MCTP1: variants seen among roughly 807,000 people sequenced by gnomAD.
MCTP1 encodes the protein multiple C2 and transmembrane domain containing 1.
MCTP1 carries 69 observed loss-of-function variants against 120.6 expected under a neutral mutation model. That is an observed-to-expected ratio of 0.57 (90% confidence interval 0.47 to 0.70). The LOEUF (loss-of-function observed/expected upper bound fraction) is 0.70. Ranked by LOEUF, MCTP1 falls within the 30% of genes least tolerant of loss-of-function variation. MCTP1 has a pLI of 0.00. For missense variants in MCTP1, 1,203 were observed against 1,248.8 expected (o/e 0.96, Z 0.55); for synonymous variants, 529 against 493.1 (o/e 1.07, Z -0.96).
At chr5:94,984,584 G>A (rs1178101944) in intron 2 of MCTP1, among the ~76,000 whole-genome samples, 1 of 152,120 alleles carries the variant, frequency 6.6e-6, no homozygotes, top group Non-Finnish European at 1.5e-5. Context: ...TGTAGGTGGT[G>A]AGTTGAAATC....
At chr5:94,720,976 C>T (rs1760752343) in intron 19 of MCTP1, among the ~76,000 whole-genome samples, 1 of 152,156 alleles carries the variant, frequency 6.6e-6, no homozygotes, top group South Asian at 2.1e-4. Context: ...GAAAAAGTGA[C>T]AGAACTTGGG....
At chr5:94,748,989 G>A (rs1767583788) in intron 19 of MCTP1, among the ~76,000 whole-genome samples, 1 of 152,124 alleles carries the variant, frequency 6.6e-6, no homozygotes, top group African/African-American at 2.4e-5. Context: ...GTTTTGTTTT[G>A]TTTTTTGATG....
chr5:95,033,343 G>A lies in MCTP1; in HGVS notation c.721-15859C>T, dbSNP rs148496840. On this transcript the variant is annotated intron_variant, in intron 1 of 22. Transcript: ENST00000515393. Reference sequence around the variant, plus strand: ...AAAACTGTCAACAAAATACTAGCAAGCCAAATCCAGCAGCACCACAAAAGG... The same window carrying A: ...AAAACTGTCAACAAAATACTAGCAAACCAAATCCAGCAGCACCACAAAAGG... Among the ~76,000 whole-genome samples, 1,408 of 151,968 alleles carry A rather than the reference G, an allele frequency of 9.3e-3. 28 individuals are homozygous for A. Among genetic ancestry groups the A allele is most frequent in the African/African-American group, 0.032 (1,320 of 41,498 alleles).
At chr5:94,993,901 T>C (rs976279373) in intron 2 of MCTP1, among the ~76,000 whole-genome samples, 15 of 152,316 alleles carry the variant, frequency 9.8e-5, no homozygotes, top group East Asian at 9.6e-4. Context: ...TTCAGACACA[T>C]GCTCAATAAC....
chr5:94,991,911 A>G (rs1429047988), intron 2 of MCTP1, among the ~76,000 whole-genome samples: 1 of 152,178 alleles, frequency 6.6e-6, no homozygotes, highest in Non-Finnish European at 1.5e-5. Context: ...TAAACAAACA[A>G]ATACATGAAT....
intron 12 of MCTP1, among the ~76,000 whole-genome samples, chr5:94,880,737 T>A (rs1271118292): frequency 1.3e-5 from 2 of 152,134 alleles, no homozygotes; most frequent in African/African-American, 4.8e-5. Context: ...TTTAGTAATG[T>A]GGAAATCATT....
At chr5:95,007,636 CT>C (rs1054656268) in intron 2 of MCTP1, among the ~76,000 whole-genome samples, 30 of 152,206 alleles carry the variant, frequency 2.0e-4, no homozygotes, top group Middle Eastern at 6.8e-3. Context: ...AATTGAATTG[CT>C]TTTTTAAAAA....
At chr5:95,119,001 AC>A (rs1758013312) in intron 1 of MCTP1, among the ~76,000 whole-genome samples, 3 of 152,226 alleles carry the variant, frequency 2.0e-5, no homozygotes, top group African/African-American at 4.8e-5. Context: ...CAACAAAGAC[AC>A]ATTAAACTTA....
chr5:95,130,362 G>A (rs1208382643), intron 1 of MCTP1, among the ~76,000 whole-genome samples: 1 of 152,194 alleles, frequency 6.6e-6, no homozygotes, highest in Non-Finnish European at 1.5e-5. Flanking sequence ...AAGCACTGGT[G>A]CTTCGTTTCC....
intron 2 of MCTP1, among the ~76,000 whole-genome samples, chr5:95,003,096 T>C (rs1438145027): frequency 6.6e-6 from 1 of 152,124 alleles, no homozygotes; most frequent in African/African-American, 2.4e-5. Context: ...TGTGAAGAGG[T>C]ACCTTCTGCC....
At chr5:94,974,673 T>G (rs1169358896) in intron 2 of MCTP1, among the ~76,000 whole-genome samples, 1 of 151,858 alleles carries the variant, frequency 6.6e-6, no homozygotes, top group African/African-American at 2.4e-5. Flanking sequence ...TAAATAAACC[T>G]AAGTATCAAA....
intron 1 of MCTP1, among the ~76,000 whole-genome samples, chr5:95,251,714 A>C (rs1757398869): frequency 6.6e-6 from 1 of 152,148 alleles, no homozygotes. Context: ...AATAAGTAAT[A>C]TATGGTGCTT....
chr5:94,987,996 G>T (rs1830725601), intron 2 of MCTP1, among the ~76,000 whole-genome samples: 1 of 152,048 alleles, frequency 6.6e-6, no homozygotes. Context: ...TTTTCTCTGT[G>T]ACCATCATAT....
chr5:94,829,808 T>C (rs12187529), intron 17 of MCTP1, among the ~76,000 whole-genome samples: 2,389 of 152,344 alleles, frequency 0.016, 28 homozygotes, highest in Middle Eastern at 0.034. Context: ...GTGTGTAATC[T>C]TCTGAACTCT....
intron 19 of MCTP1, among the ~76,000 whole-genome samples, chr5:94,778,269 G>A (rs762266233): frequency 6.6e-6 from 1 of 151,982 alleles, no homozygotes; most frequent in Admixed American, 6.6e-5. Context: ...GCCAAACAAC[G>A]TGGAAATAAC....
chr5:94,766,643 C>G (rs934600656), intron 19 of MCTP1, among the ~76,000 whole-genome samples: 1 of 150,754 alleles, frequency 6.6e-6, no homozygotes, highest in African/African-American at 2.4e-5. Flanking sequence ...GCACGTTGTG[C>G]ACATGTACCC....
rs959109559 is a variant in MCTP1, at chr5:94,867,320, C to T, written c.2436+1013G>A. ...CCTAACTTTCTGGTAACTTACAACA[C>T]AAAGGGACGTAGACACTCTTTGTTC... On this transcript the variant is annotated intron_variant, in intron 17 of 22. Transcript: ENST00000515393. The T allele has an allele frequency of 6.5e-6, 10 of 1,532,440 alleles. No individual in the cohort carries two copies. In the African/African-American group the frequency reaches 9.6e-5, roughly 15 times the overall value. The allele number at this position is 1,532,440 out of a possible 1,614,324, so 94.9% of individuals were successfully genotyped here.
At chr5:95,156,110 T>C (rs998643830) in intron 1 of MCTP1, among the ~76,000 whole-genome samples, 23 of 152,236 alleles carry the variant, frequency 1.5e-4, no homozygotes, top group Middle Eastern at 3.4e-3. Context: ...GTAAATGAGC[T>C]TGGAAGAGGA....
At chr5:94,784,188 A>G (rs557422113) in intron 18 of MCTP1, among the ~76,000 whole-genome samples, 1 of 152,208 alleles carries the variant, frequency 6.6e-6, no homozygotes, top group East Asian at 1.9e-4. Context: ...TTGCAAACTA[A>G]ATGCCTATTT....
Sources: allele counts gnomAD v4.1 joint callset (sites outside exome capture counted in the v4.1 genomes callset), GRCh38; gene constraint gnomAD v4.1.1; transcripts MANE v1.5; gene names NCBI Gene and HGNC (gene_info 2026-07-23, HGNC 2026-07-21).